Variants in ATG4A observed in about 807,000 individuals in gnomAD.
The protein encoded by ATG4A is autophagy related 4A cysteine peptidase, also known as cysteine protease ATG4A.
A neutral mutation model predicts 38.4 loss-of-function variants in ATG4A; 22 were observed. The ratio of observed to expected loss-of-function variants is 0.57; its 90% CI spans 0.41 to 0.82. The LOEUF is 0.82. ATG4A is among the 40% of genes least tolerant of loss of function. The probability of loss-of-function intolerance (pLI) is 0.00; values close to 1 mark genes in which losing one functional copy is unlikely to be tolerated. For missense variants in ATG4A, 220 were observed against 290.0 expected, an observed-to-expected ratio of 0.76 and a Z score of 1.75; for synonymous variants, 86 against 100.7, an observed-to-expected ratio of 0.85 and a Z score of 0.88.
intron 2 of ATG4A, among the ~76,000 whole-genome samples, chrX:108,126,550 G>T (rs1445036899): frequency 8.9e-6 from 1 of 111,910 alleles, no homozygotes; most frequent in African/African-American, 3.2e-5. Context: ...CTAGCCTTTC[G>T]TGACTGGTCT....
intron 1 of ATG4A, among the ~76,000 whole-genome samples, chrX:108,117,475 T>A (rs1473927730): frequency 2.7e-5 from 3 of 111,766 alleles, no homozygotes; most frequent in Non-Finnish European, 3.8e-5. Flanking sequence ...GAGGTGGGAT[T>A]TAAGGGCAAG....
At chrX:108,102,044 TC>T (rs1328457497) in intron 1 of ATG4A, among the ~76,000 whole-genome samples, 87 of 111,315 alleles carry the variant, frequency 7.8e-4, no homozygotes, top group African/African-American at 2.5e-3. Context: ...AGTACAAATA[TC>T]TCTTCAAGAT....
At chrX:108,146,589 G>A (rs1007939501) in intron 9 of ATG4A, among the ~76,000 whole-genome samples, 1 of 111,791 alleles carries the variant, frequency 8.9e-6, no homozygotes, top group African/African-American at 3.3e-5. Flanking sequence ...ATACAGAGAA[G>A]AGCAATTACA....
At chrX:108,133,797 C>T (rs1409711303) in intron 4 of ATG4A, among the ~76,000 whole-genome samples, 1 of 112,060 alleles carries the variant, frequency 8.9e-6, no homozygotes, top group Non-Finnish European at 1.9e-5. Context: ...TATCCAGCTC[C>T]AGCCCTTGGG....
intron 3 of ATG4A, among the ~76,000 whole-genome samples, chrX:108,130,598 C>T (rs1398324400): frequency 8.9e-6 from 1 of 112,301 alleles, no homozygotes; most frequent in African/African-American, 3.2e-5. Context: ...CACAGATATT[C>T]TCTCAGTTCT....
At chrX:108,152,176 G>C (rs184013687) in intron 11 of ATG4A, among the ~76,000 whole-genome samples, 1 of 112,386 alleles carries the variant, frequency 8.9e-6, no homozygotes, top group African/African-American at 3.2e-5. Flanking sequence ...CAGCAAAACT[G>C]TATTTATGTC....
chrX:108,131,405 T>G (rs1432311215), intron 4 of ATG4A, 47 bp downstream of exon 4: 1 of 1,120,323 alleles, frequency 8.9e-7, no homozygotes, highest in Admixed American at 2.2e-5. Flanking sequence ...CTCTGCAGTA[T>G]CACTTGCTGC....
upstream of ATG4A, among the ~76,000 whole-genome samples, chrX:108,090,322 T>C (rs1047974337): frequency 8.9e-6 from 1 of 112,176 alleles, no homozygotes; most frequent in Non-Finnish European, 1.9e-5. Context: ...ATCCATAAAT[T>C]GCATTTCTTC....
chrX:108,113,610 G>A (rs985402756), intron 1 of ATG4A, among the ~76,000 whole-genome samples: 1 of 111,315 alleles, frequency 9.0e-6, no homozygotes, highest in African/African-American at 3.3e-5. Context: ...CCGAGACTGC[G>A]AAGAAAAACA....
intron 4 of ATG4A, among the ~76,000 whole-genome samples, chrX:108,132,507 TC>T (rs933672656): frequency 4.5e-5 from 5 of 111,654 alleles, no homozygotes; most frequent in African/African-American, 1.6e-4. Context: ...CTTGTTACCT[TC>T]TCTTCAGGGT....
chrX:108,121,308 A>T lies in ATG4A; in HGVS notation c.11-4769A>T, dbSNP rs561118640. Among the ~76,000 whole-genome samples the T allele has an allele frequency of 2.7e-5, 3 of 111,266 alleles. No individual in the cohort carries two copies. The South Asian group carries it at 1.2e-3, about 43-fold the overall frequency. ...CCTGCTAATTAACCTGCCATCTATC[A>T]TGCCTGTTTTCAAAAGCCCTGTGCA... On this transcript the variant is annotated intron_variant, in intron 1 of 12. Coordinates refer to ENST00000372232, the MANE Select transcript of ATG4A (RefSeq NM_052936.5).
intron 1 of ATG4A, among the ~76,000 whole-genome samples, chrX:108,123,724 G>C (rs926732000): frequency 1.8e-5 from 2 of 112,081 alleles, no homozygotes; most frequent in African/African-American, 6.5e-5. Context: ...TGAAGTGCAA[G>C]AGTAAAATTC....
chrX:108,132,405 A>T (rs921162433), intron 4 of ATG4A, among the ~76,000 whole-genome samples: 2 of 111,865 alleles, frequency 1.8e-5, no homozygotes, highest in African/African-American at 6.5e-5. Flanking sequence ...AGAAGTATAG[A>T]AACATCGTTT....
chrX:108,145,928 T>C (rs961110640), intron 9 of ATG4A, among the ~76,000 whole-genome samples: 3 of 111,781 alleles, frequency 2.7e-5, no homozygotes, highest in Non-Finnish European at 5.6e-5. Flanking sequence ...CTGACTTACA[T>C]AAGCCCCTAC....
chrX:108,123,382 C>T (rs780248996), intron 1 of ATG4A, among the ~76,000 whole-genome samples: 1 of 112,087 alleles, frequency 8.9e-6, no homozygotes, highest in Non-Finnish European at 1.9e-5. Flanking sequence ...AAAAGCATTG[C>T]TGTTAATCAG....
chrX:108,105,671 C>T (rs1049088952), intron 1 of ATG4A, among the ~76,000 whole-genome samples: 20 of 111,973 alleles, frequency 1.8e-4, no homozygotes, highest in African/African-American at 6.5e-4. Context: ...AAGTTACCCA[C>T]CACTTTCCTT....
chrX:108,095,582 G>A (rs1257487820), intron 1 of ATG4A, among the ~76,000 whole-genome samples: 2 of 111,383 alleles, frequency 1.8e-5, no homozygotes, highest in African/African-American at 3.3e-5. Context: ...GGGTCATATC[G>A]TAACTCTGTT....
chrX:108,107,589 A>G (rs1169168174), intron 1 of ATG4A, among the ~76,000 whole-genome samples: 1 of 111,578 alleles, frequency 9.0e-6, no homozygotes, highest in Non-Finnish European at 1.9e-5. Context: ...GTGATTTTCT[A>G]CTGTATCTTG....
rs2033648220 is a variant in ATG4A, at chrX:108,153,899, A to G, written c.*187A>G. 1 of 374,317 alleles carries G rather than the reference A, an allele frequency of 2.7e-6. No homozygotes were observed. The highest frequency in any genetic ancestry group is 4.6e-6 in the Non-Finnish European group (1 of 216,999). 30.8% of individuals were successfully genotyped at this position (374,317 alleles called of 1,213,427 possible). On this transcript the variant is annotated 3_prime_UTR_variant, in exon 13 of 13. Transcript: ENST00000372232. ...AAACAAAACAAAACAAATGACAGTA[A>G]CCCTTCCCCGGAAAGAAATAGAACA...
Sources: allele counts gnomAD v4.1 joint callset (sites outside exome capture counted in the v4.1 genomes callset), GRCh38; gene constraint gnomAD v4.1.1; transcripts MANE v1.5; gene names NCBI Gene and HGNC (gene_info 2026-07-23, HGNC 2026-07-21).